Variants in PDE1C observed in about 807,000 individuals in gnomAD.
PDE1C encodes the protein phosphodiesterase 1C, also known as dual specificity calcium/calmodulin-dependent 3',5'-cyclic nucleotide phosphodiesterase 1C.
Under a neutral mutation model 93.1 loss-of-function variants are expected in PDE1C, and 62 were observed. The ratio of observed to expected loss-of-function variants is 0.67; its 90% CI spans 0.54 to 0.82. The LOEUF (loss-of-function observed/expected upper bound fraction) is 0.82. Ranked by LOEUF, PDE1C falls within the 40% of genes least tolerant of loss-of-function variation. The pLI is 0.00. For missense variants in PDE1C, 742 were observed against 884.6 expected (o/e 0.84, Z 2.04); for synonymous variants, 325 against 310.1 (o/e 1.05, Z -0.50).
At chr7:32,281,153 GAAGT>G (rs1252023767) in intron 1 of PDE1C, among the ~76,000 whole-genome samples, 1 of 152,110 alleles carries the variant, frequency 6.6e-6, no homozygotes, top group African/African-American at 2.4e-5. Context: ...AATTTTAGAT[GAAGT>G]AAGGATTTAA....
At chr7:32,205,337 A>C (rs1272446576) in intron 2 of PDE1C, among the ~76,000 whole-genome samples, 2 of 152,244 alleles carry the variant, frequency 1.3e-5, no homozygotes, top group African/African-American at 4.8e-5. Flanking sequence ...TCTAGCATTG[A>C]GGTGAATCTG....
intron 3 of PDE1C, among the ~76,000 whole-genome samples, chr7:32,106,166 C>T (rs1798299360): frequency 6.6e-6 from 1 of 152,120 alleles, no homozygotes; most frequent in Non-Finnish European, 1.5e-5. Context: ...GCTCGTGCCA[C>T]CATACTCGGC....
chr7:31,642,688 T>C, the PDE1C span: 3 of 1,613,240 alleles, frequency 1.9e-6, no homozygotes, highest in Non-Finnish European at 2.5e-6. Context: ...ACAGATGCCT[T>C]CCTTGCCAAA....
upstream of PDE1C, chr7:32,071,442 GGCTCTCTCGCTCGC>G (rs993502037): frequency 1.2e-5 from 12 of 984,972 alleles, no homozygotes; most frequent in African/African-American, 3.5e-5. Flanking sequence ...TTGCTAAAGG[GGCTCTCTCGCTCGC>G]GCTCTCTCTC....
the PDE1C span, among the ~76,000 whole-genome samples, chr7:31,736,050 T>A: frequency 6.6e-6 from 1 of 152,204 alleles, no homozygotes; most frequent in Non-Finnish European, 1.5e-5. Context: ...TTTGTGGATT[T>A]TTTTTCCCCA....
chr7:31,922,656 T>C (rs930778877), intron 2 of PDE1C, among the ~76,000 whole-genome samples: 1 of 152,148 alleles, frequency 6.6e-6, no homozygotes, highest in Non-Finnish European at 1.5e-5. Flanking sequence ...ACAAAGTGAT[T>C]TGGGTGGACA....
intron 17 of PDE1C, among the ~76,000 whole-genome samples, chr7:31,768,890 G>A (rs939083244): frequency 2.0e-5 from 3 of 152,022 alleles, no homozygotes; most frequent in African/African-American, 7.3e-5. Flanking sequence ...CCGCCTCCCA[G>A]GTTCAAGCAA....
At chr7:32,079,875 C>A (rs1796559080) in intron 3 of PDE1C, among the ~76,000 whole-genome samples, 1 of 152,140 alleles carries the variant, frequency 6.6e-6, no homozygotes, top group Non-Finnish European at 1.5e-5. Context: ...AGAAATAAAC[C>A]CCACCTCTTG....
chr7:32,275,195 CT>C (rs1811200624), intron 1 of PDE1C, among the ~76,000 whole-genome samples: 2 of 152,106 alleles, frequency 1.3e-5, no homozygotes, highest in South Asian at 4.1e-4. Context: ...AAAATGTTCT[CT>C]TTTATATAGA....
the PDE1C span, chr7:31,658,228 T>G: frequency 6.9e-7 from 1 of 1,456,632 alleles, no homozygotes; most frequent in Non-Finnish European, 9.0e-7. Flanking sequence ...CCCAGAAAAA[T>G]GTTGCATTAG....
chr7:31,931,108 A>G lies in PDE1C; in HGVS notation c.129-50248T>C, dbSNP rs113421222. Among the ~76,000 whole-genome samples the G allele has an allele frequency of 9.0e-3, 1,378 of 152,296 alleles. 18 individuals are homozygous for G. The highest frequency in any genetic ancestry group is 0.031 in the African/African-American group (1,296 of 41,564). On this transcript the variant is annotated intron_variant, in intron 2 of 17. Coordinates refer to ENST00000396191, the MANE Select transcript of PDE1C (RefSeq NM_001191057.4). Reference sequence around the variant, plus strand: ...TATCTCAAAATAATAAGAGTTATTTATGACAAAGCCATAGCCGATATCATA... The same window carrying G: ...TATCTCAAAATAATAAGAGTTATTTGTGACAAAGCCATAGCCGATATCATA...
At chr7:32,264,026 C>G (rs1380626214) in intron 1 of PDE1C, among the ~76,000 whole-genome samples, 1 of 152,022 alleles carries the variant, frequency 6.6e-6, no homozygotes, top group East Asian at 1.9e-4. Context: ...AATATCCTAC[C>G]CTTCATGAAA....
At chr7:32,364,757 G>A (rs1486333370) in intron 1 of PDE1C, among the ~76,000 whole-genome samples, 1 of 152,162 alleles carries the variant, frequency 6.6e-6, no homozygotes, top group Non-Finnish European at 1.5e-5. Flanking sequence ...CCCTCCTCTG[G>A]GGCCAGTAGC....
intron 3 of PDE1C, among the ~76,000 whole-genome samples, chr7:32,129,517 A>C (rs1799804459): frequency 4.0e-5 from 5 of 123,868 alleles, no homozygotes; most frequent in African/African-American, 7.8e-5. Flanking sequence ...AAAATACATA[A>C]TTTCAAATTT....
intron 3 of PDE1C, among the ~76,000 whole-genome samples, chr7:32,086,536 T>C (rs1405548122): frequency 3.3e-5 from 5 of 151,906 alleles, no homozygotes; most frequent in African/African-American, 7.2e-5. Context: ...AAAAAGAGCC[T>C]GCATCGCCAA....
chr7:31,835,401 C>A (rs555166209), intron 11 of PDE1C, among the ~76,000 whole-genome samples: 1 of 152,082 alleles, frequency 6.6e-6, no homozygotes, highest in Non-Finnish European at 1.5e-5. Context: ...TAGTTCCCCC[C>A]ACACCATGGA....
chr7:32,169,601 T>C (rs576146442), intron 3 of PDE1C, among the ~76,000 whole-genome samples: 26 of 152,298 alleles, frequency 1.7e-4, no homozygotes, highest in African/African-American at 5.5e-4. Context: ...AGATCTTCAC[T>C]ACATTCAGGA....
At chr7:31,988,033 G>A (rs1783646492) in intron 2 of PDE1C, among the ~76,000 whole-genome samples, 1 of 152,204 alleles carries the variant, frequency 6.6e-6, no homozygotes, top group African/African-American at 2.4e-5. Flanking sequence ...AAGGAAGTTA[G>A]GGTAGATGAG....
chr7:31,913,969 T>C (rs1291829578), intron 2 of PDE1C, among the ~76,000 whole-genome samples: 2 of 152,216 alleles, frequency 1.3e-5, no homozygotes, highest in African/African-American at 2.4e-5. Context: ...CTACAGCAGT[T>C]ATATTTTTAA....
Sources: gnomAD v4.1 joint callset for allele counts (sites outside exome capture counted in the v4.1 genomes callset) on GRCh38, gnomAD v4.1.1 for gene constraint, MANE v1.5 for transcripts, NCBI Gene and HGNC (gene_info 2026-07-23, HGNC 2026-07-21) for gene names.